PADI4: variants seen among roughly 807,000 people sequenced by gnomAD.
PADI4 encodes the protein protein-arginine deiminase type-4.
In PADI4, 62 loss-of-function variants were observed where a neutral mutation model predicts 75.0. The observed-to-expected ratio is 0.83, with a 90% CI of 0.67 to 1.02. The LOEUF (loss-of-function observed/expected upper bound fraction) is 1.02, where lower values mean the gene tolerates loss of function less well. Among genes scored for constraint, PADI4 ranks in the 50% least tolerant of loss-of-function variants. PADI4 has a pLI of 0.00. For missense variants in PADI4, 845 were observed against 850.5 expected (o/e 0.99, Z 0.08); for synonymous variants, 361 against 348.1 (o/e 1.04, Z -0.41).
intron 5 of PADI4, among the ~76,000 whole-genome samples, chr1:17,339,046 C>T (rs553521520): frequency 6.6e-6 from 1 of 152,266 alleles, no homozygotes; most frequent in African/African-American, 2.4e-5. Context: ...ATCTTCACAA[C>T]CATTCTACGG....
chr1:17,323,150 C>T (rs1011645706), intron 1 of PADI4, among the ~76,000 whole-genome samples: 2 of 152,208 alleles, frequency 1.3e-5, no homozygotes, highest in South Asian at 2.1e-4. Flanking sequence ...TCCTCCCTGG[C>T]TGTTGGCTGG....
At chr1:17,325,421 T>C (rs1001365684) in intron 1 of PADI4, among the ~76,000 whole-genome samples, 10 of 152,168 alleles carry the variant, frequency 6.6e-5, no homozygotes, top group African/African-American at 2.2e-4. Flanking sequence ...AAGAAAAATA[T>C]TTGTTTCCTA....
At chr1:17,328,795 T>A (rs2074156863) in intron 1 of PADI4, among the ~76,000 whole-genome samples, 1 of 152,104 alleles carries the variant, frequency 6.6e-6, no homozygotes, top group African/African-American at 2.4e-5. Flanking sequence ...TTTTTATGAC[T>A]TTTTTGTATA....
intron 10 of PADI4, among the ~76,000 whole-genome samples, chr1:17,353,600 G>A (rs998210773): frequency 9.2e-5 from 14 of 152,148 alleles, no homozygotes; most frequent in African/African-American, 2.7e-4. Context: ...GGAGATGGGC[G>A]GTGGACTGAA....
intron 10 of PADI4, among the ~76,000 whole-genome samples, chr1:17,353,744 G>A (rs1036576264): frequency 1.3e-5 from 2 of 152,148 alleles, no homozygotes; most frequent in African/African-American, 4.8e-5. Flanking sequence ...AATGCGGGAG[G>A]GCCTGTGATG....
At chr1:17,324,509 A>G (rs1338321998) in intron 1 of PADI4, among the ~76,000 whole-genome samples, 1 of 152,068 alleles carries the variant, frequency 6.6e-6, no homozygotes. Flanking sequence ...TTAATTTTTT[A>G]AAAAATAGAA....
intron 1 of PADI4, among the ~76,000 whole-genome samples, chr1:17,310,958 G>A (rs1020714396): frequency 3.9e-5 from 6 of 152,212 alleles, no homozygotes; most frequent in East Asian, 3.9e-4. Context: ...TTAGCCGGGC[G>A]TGGTAGCACG....
At chr1:17,353,608 G>C in intron 10 of PADI4, among the ~76,000 whole-genome samples, 1 of 152,154 alleles carries the variant, frequency 6.6e-6, no homozygotes, top group East Asian at 1.9e-4. Flanking sequence ...GCGGTGGACT[G>C]AATAATGGCC....
intron 1 of PADI4, 147 bp downstream of exon 1, chr1:17,308,461 C>T (rs918310909): frequency 1.2e-5 from 8 of 651,656 alleles, no homozygotes; most frequent in Non-Finnish European, 2.1e-5. Context: ...AGAGAGAAGA[C>T]CCCAGCAGCC....
intron 15 of PADI4, among the ~76,000 whole-genome samples, chr1:17,363,014 C>A (rs2352842): frequency 6.6e-6 from 1 of 151,948 alleles, no homozygotes; most frequent in African/African-American, 2.4e-5. Context: ...ACGGGGTTTC[C>A]CCATGTTGGC....
At chr1:17,339,878 C>CTG (rs937918259) in intron 6 of PADI4, 65 bp downstream of exon 6, 1 of 1,509,410 alleles carries the variant, frequency 6.6e-7, no homozygotes. Context: ...TGTCACACAG[C>CTG]TGTGTGGCAG....
chr1:17,333,834 C>T lies in PADI4; in HGVS notation c.274-109C>T, dbSNP rs1570029584. 6 of 787,506 alleles carry T rather than the reference C, an allele frequency of 7.6e-6. No homozygotes were observed. The East Asian group carries it at 1.5e-4, about 20-fold the overall frequency. 48.8% of individuals were successfully genotyped at this position (787,506 alleles called of 1,614,324 possible). ...CCTTACAGGCTAGGACCAGTTCTTG[C>T]CCAACTTTGTCTCCCCAGTGCCCTA... On this transcript the variant is annotated intron_variant, in intron 2 of 15. Transcript: ENST00000375448.
intron 1 of PADI4, 151 bp downstream of exon 1, chr1:17,308,465 A>C (rs961731769): frequency 4.6e-6 from 3 of 650,368 alleles, no homozygotes; most frequent in Non-Finnish European, 8.1e-6. Flanking sequence ...AGAAGACCCC[A>C]GCAGCCCTGG....
chr1:17,356,206 C>G lies in PADI4; in HGVS notation c.1455+79C>G. On this transcript the variant is annotated intron_variant, in intron 12 of 15. Coordinates refer to ENST00000375448, the MANE Select transcript of PADI4 (RefSeq NM_012387.3). The surrounding 1 kb of genome is among the most constrained non-coding windows in gnomAD (Gnocchi z 4.1). ...TCTGCCTGGGGTGGGAGCAACTTTA[C>G]TTGTCTATTTCTCCTTCACCCTTAG... The G allele has an allele frequency of 2.0e-6, 3 of 1,499,766 alleles. No individual in the cohort carries two copies. The highest frequency in any genetic ancestry group is 2.7e-6 in the Non-Finnish European group (3 of 1,093,226). The allele number at this position is 1,499,766 out of a possible 1,614,324, so 92.9% of individuals were successfully genotyped here. A position where few individuals can be genotyped will look rare whatever the true frequency, so the allele number is the denominator to read the frequency against.
chr1:17,308,611 CAG>C lies in PADI4; in HGVS notation c.92+302_92+303del, dbSNP rs769047880. Among the ~76,000 whole-genome samples the C allele has an allele frequency of 9.9e-4, 151 of 152,328 alleles. 2 individuals are homozygous for C. The Middle Eastern group carries it at 0.017, about 17-fold the overall frequency. ...TCTTCATCGAGGCAACAGAAGCTTA[CAG>C]AGAGTCTGTGACTTGCTCAAGGTCA... On this transcript the variant is annotated intron_variant, in intron 1 of 15. Coordinates refer to ENST00000375448, the MANE Select transcript of PADI4 (RefSeq NM_012387.3).
rs61763732 is a variant in PADI4 at position 17,351,104 on chromosome 1, G to A, written c.1155+3056G>A. Among the ~76,000 whole-genome samples, 7 of 81,430 alleles carry A rather than the reference G, an allele frequency of 8.6e-5. 3 individuals carry two copies. Among genetic ancestry groups the A allele is most frequent in the Non-Finnish European group, 2.0e-4 (6 of 30,596 alleles). The allele number at this position is 81,430 out of a possible 152,430, so 53.4% of individuals were successfully genotyped here. A position where few individuals can be genotyped will look rare whatever the true frequency, so the allele number is the denominator to read the frequency against. ...TCCCAACTACTAGAGAGGCTGAGGT[G>A]GGAGGATCGCTTGAGCCCAGGAGGT... is the stretch of plus-strand genomic sequence containing the variant. On this transcript the variant is annotated intron_variant, in intron 10 of 15. Transcript: ENST00000375448.
chr1:17,323,366 A>G (rs1332788200), intron 1 of PADI4, among the ~76,000 whole-genome samples: 3 of 152,256 alleles, frequency 2.0e-5, no homozygotes, highest in Non-Finnish European at 4.4e-5. Context: ...GGTCCAGCCC[A>G]TACTCAAGGG....
intron 10 of PADI4, 32 bp from the exon 11 acceptor site, chr1:17,354,501 C>T: frequency 6.2e-7 from 1 of 1,612,324 alleles, no homozygotes; most frequent in East Asian, 2.2e-5. Flanking sequence ...CCTCATTCCT[C>T]TAACTCTTGG....
intron 10 of PADI4, among the ~76,000 whole-genome samples, chr1:17,352,052 G>A (rs1442953558): frequency 1.7e-4 from 22 of 129,272 alleles, no homozygotes; most frequent in African/African-American, 4.5e-4. Flanking sequence ...AGGCAGTCAG[G>A]GAGGTGATGG....
Sources: allele counts gnomAD v4.1 joint callset (sites outside exome capture counted in the v4.1 genomes callset), GRCh38; gene constraint gnomAD v4.1.1; non-coding constraint Gnocchi (gnomAD v3.1); transcripts MANE v1.5; gene names NCBI Gene and HGNC (gene_info 2026-07-23, HGNC 2026-07-21).